AQP4: variants seen among roughly 807,000 people sequenced by gnomAD.
AQP4 encodes aquaporin-4.
In AQP4, 18 loss-of-function variants were observed where a neutral mutation model predicts 27.8. That is an observed-to-expected ratio of 0.65 (90% CI 0.45 to 0.96). AQP4 has a LOEUF of 0.96. Ranked by LOEUF, AQP4 falls within the 40% of genes least tolerant of loss-of-function variation. AQP4 has a pLI of 0.00. For synonymous variants in AQP4, 141 were observed against 142.9 expected, an observed-to-expected ratio of 0.99 and a Z score of 0.10; for missense variants, 412 against 408.2, an observed-to-expected ratio of 1.01 and a Z score of -0.08.
chr18:26,862,461 G>A lies in AQP4; in HGVS notation c.168C>T (p.Thr56=), dbSNP rs1430383692. The A allele has an allele frequency of 1.2e-6, 2 of 1,614,178 alleles. No individual in the cohort carries two copies. The highest frequency in any genetic ancestry group is 2.2e-5 in the South Asian group (2 of 91,082). ...LIFVLLSLGS[T]INWGGTEKPL... is the part of the protein sequence containing the mutation. ...GCTTTTCTGTTCCACCCCAGTTGAT[G>A]GTGGATCCCAGGCTGAGGAGAACAA... The change falls in exon 2 of 5, where the codon ACC becomes ACT. Residue 56 remains threonine, a synonymous_variant. Transcript: ENST00000383168.
intron 2 of AQP4, 55 bp from the exon 3 acceptor site, chr18:26,861,350 A>C: frequency 6.5e-7 from 1 of 1,537,654 alleles, no homozygotes. Context: ...TTCGATGACA[A>C]TGTATTAATA....
intron 2 of AQP4, 42 bp from the exon 3 acceptor site, chr18:26,861,337 A>G: frequency 6.3e-7 from 1 of 1,579,916 alleles, no homozygotes; most frequent in Non-Finnish European, 8.7e-7. Context: ...AAGCAAGAGT[A>G]TTTTCGATGA....
intron 4 of AQP4, among the ~76,000 whole-genome samples, chr18:26,858,014 T>A (rs1319701366): frequency 6.6e-6 from 1 of 152,156 alleles, no homozygotes; most frequent in African/African-American, 2.4e-5. Flanking sequence ...CTCACACCTG[T>A]AATCCCAGCA....
At chr18:26,861,379 T>C in intron 2 of AQP4, 84 bp from the exon 3 acceptor site, 6 of 1,383,328 alleles carry the variant, frequency 4.3e-6, no homozygotes, top group Non-Finnish European at 6.1e-6. Context: ...AAAGGCACAT[T>C]TTATCTGTGT....
chr18:26,860,933 T>A, intron 3 of AQP4, 81 bp from the exon 4 acceptor site: 3 of 1,475,060 alleles, frequency 2.0e-6, no homozygotes, highest in African/African-American at 1.4e-5. Flanking sequence ...TTTGCTGTCA[T>A]TTGTCACTTA....
Position 26,862,419 on chromosome 18 carries a change from C to A in AQP4, c.210G>T (p.Met70Ile), listed in dbSNP as rs771316211. 1.9e-6 allele frequency: 3 copies of A among 1,614,108 alleles called. No homozygotes were observed. Among genetic ancestry groups the A allele is most frequent in the Non-Finnish European group, 1.7e-6 (2 of 1,180,054 alleles). Residue 70 changes from methionine to isoleucine, a missense_variant, in exon 2 of 5, where the codon ATG becomes ATT. Physicochemically the swap from Met to Ile is conservative, Grantham distance 10 (BLOSUM62 1). Transcript: ENST00000383168. Reference sequence around the variant, plus strand: ...GTCCAAAGCAAAGGGAGATGAGAACCATGTCGACCGGTAAAGGCTTTTCTG... The same window carrying A: ...GTCCAAAGCAAAGGGAGATGAGAACAATGTCGACCGGTAAAGGCTTTTCTG... ...GGTEKPLPVD[M>I]VLISLCFGLS...
upstream of AQP4, chr18:26,865,790 T>C (rs1255242702): frequency 7.0e-7 from 1 of 1,420,084 alleles, no homozygotes; most frequent in Non-Finnish European, 9.9e-7. Context: ...TTTTGGAGTG[T>C]TAGGGGTGGA....
In AQP4 at chr18:26,860,808, T is replaced by G; in HGVS notation, c.657A>C (p.Gly219=). Residue 219 remains glycine, a synonymous_variant, in exon 4 of 5, where the codon GGA becomes GGC. Transcript: ENST00000383168. ...CCCAATTTCCCATGATAACTGCAGG[T>G]CCAAAGGATCGGGCGGGATTCATGC... The part of the protein sequence containing the change: ...GASMNPARSF[G]PAVIMGNWEN... The G allele has an allele frequency of 6.2e-7, 1 of 1,614,084 alleles. No homozygotes were observed. The highest frequency in any genetic ancestry group is 1.6e-4 in the Middle Eastern group (1 of 6,062).
At chr18:26,858,955 T>C (rs1489534118) in intron 4 of AQP4, among the ~76,000 whole-genome samples, 1 of 152,202 alleles carries the variant, frequency 6.6e-6, no homozygotes, top group Admixed American at 6.5e-5. Flanking sequence ...TACCTACAAA[T>C]ATACTTTAAA....
Position 26,860,859 on chromosome 18 carries a change from G to C in AQP4, c.613-7C>G. 1.2e-6 allele frequency: 2 copies of C among 1,613,412 alleles called. No individual in the cohort carries two copies. Among genetic ancestry groups the C allele is most frequent in the Non-Finnish European group, 1.7e-6 (2 of 1,179,364 alleles). On this transcript the variant is annotated splice_polypyrimidine_tract_variant and splice_region_variant and intron_variant, in intron 3 of 4. Transcript: ENST00000383168. ...TGGCACCAGTATAATTGATCTATAG[G>C]AAACAAGAAAACAACTTCAGACATT...
intron 4 of AQP4, among the ~76,000 whole-genome samples, chr18:26,859,785 A>G (rs74482576): frequency 0.017 from 2,622 of 152,360 alleles, 43 homozygotes; most frequent in South Asian, 0.099. Context: ...AGTGTACACC[A>G]TAGATGAATG....
intron 2 of AQP4, 63 bp from the exon 3 acceptor site, chr18:26,861,358 A>C (rs1568068675): frequency 6.6e-7 from 1 of 1,522,038 alleles, no homozygotes. Flanking sequence ...CAATGTATTA[A>C]TATCATTGTG....
chr18:26,857,567 C>T (rs1225350841), intron 4 of AQP4, among the ~76,000 whole-genome samples: 1 of 152,068 alleles, frequency 6.6e-6, no homozygotes, highest in Non-Finnish European at 1.5e-5. Flanking sequence ...ACCTCGTGAT[C>T]CACCTGCCTC....
intron 1 of AQP4, among the ~76,000 whole-genome samples, chr18:26,864,202 C>A (rs1159537178): frequency 6.6e-6 from 1 of 152,176 alleles, no homozygotes; most frequent in African/African-American, 2.4e-5. Context: ...AATTGCGGGG[C>A]CCTCATTTCC....
intron 4 of AQP4, 57 bp from the exon 5 acceptor site, chr18:26,856,546 C>T: frequency 1.3e-6 from 2 of 1,579,328 alleles, no homozygotes; most frequent in African/African-American, 1.3e-5. Context: ...TTCCATTGAG[C>T]AGCTCATGAA....
intron 4 of AQP4, among the ~76,000 whole-genome samples, chr18:26,858,996 T>C (rs1457900555): frequency 6.6e-6 from 1 of 152,228 alleles, no homozygotes; most frequent in African/African-American, 2.4e-5. Context: ...ACCATTGCTA[T>C]TTTTAGTAGA....
At chr18:26,862,062 A>G (rs1439803709) in intron 2 of AQP4, 120 bp downstream of exon 2, 1 of 1,179,214 alleles carries the variant, frequency 8.5e-7, no homozygotes, top group Non-Finnish European at 1.3e-6. Context: ...AGAATCATCA[A>G]AAATTCCCTA....
intron 4 of AQP4, among the ~76,000 whole-genome samples, chr18:26,857,783 T>C (rs1345372231): frequency 6.6e-6 from 1 of 152,190 alleles, no homozygotes; most frequent in African/African-American, 2.4e-5. Context: ...TTGAGCACTG[T>C]CCCCGGGCCA....
Position 26,855,246 on chromosome 18 carries a change from C to T in AQP4, c.*965G>A, listed in dbSNP as rs2054820183. 1 of 152,178 alleles carries T rather than the reference C, an allele frequency of 6.6e-6. No individual in the cohort carries two copies. The highest frequency in any genetic ancestry group is 2.1e-4 in the South Asian group (1 of 4,822). 9.4% of individuals were successfully genotyped at this position (152,178 alleles called of 1,614,324 possible). On this transcript the variant is annotated 3_prime_UTR_variant, in exon 5 of 5. Coordinates refer to ENST00000383168, the MANE Select transcript of AQP4 (RefSeq NM_001650.7). ...AGTTCTTGTTATCAAAAATATGTCT[C>T]AGCTAATGTTTAAATATAGATAACC...
Sources: allele counts gnomAD v4.1 joint callset (sites outside exome capture counted in the v4.1 genomes callset), GRCh38; gene constraint gnomAD v4.1.1; transcripts MANE v1.5; gene names NCBI Gene and HGNC (gene_info 2026-07-23, HGNC 2026-07-21).